The following ARHGAP10 variants were observed in gnomAD, a reference collection of about 807,000 sequenced individuals.
ARHGAP10 encodes Rho GTPase activating protein 10.
Under a neutral mutation model 108.6 loss-of-function variants are expected in ARHGAP10, and 87 were observed. That is an observed-to-expected ratio of 0.80 (90% CI 0.67 to 0.96). The LOEUF (loss-of-function observed/expected upper bound fraction) is 0.96, where lower values mean the gene tolerates loss of function less well. Among genes scored for constraint, ARHGAP10 ranks in the 40% least tolerant of loss-of-function variants. ARHGAP10 has a pLI of 0.00. For synonymous variants in ARHGAP10, 347 were observed against 341.1 expected, an observed-to-expected ratio of 1.02 and a Z score of -0.19; for missense variants, 939 against 954.5, an observed-to-expected ratio of 0.98 and a Z score of 0.21.
chr4:148,056,681 C>T (rs1729377209), intron 20 of ARHGAP10, among the ~76,000 whole-genome samples: 1 of 152,094 alleles, frequency 6.6e-6, no homozygotes, highest in Non-Finnish European at 1.5e-5. Flanking sequence ...CCAGTCTTTC[C>T]AATAATGTTC....
intron 1 of ARHGAP10, among the ~76,000 whole-genome samples, chr4:147,741,769 C>T (rs371196077): frequency 1.7e-3 from 41 of 24,396 alleles, no homozygotes; most frequent in African/African-American, 6.7e-3. Flanking sequence ...GTTCTCTTTA[C>T]ACACACACAC....
chr4:147,732,586 G>A, intron 1 of ARHGAP10, 131 bp downstream of exon 1: 14 of 1,310,468 alleles, frequency 1.1e-5, no homozygotes, highest in Non-Finnish European at 1.4e-5. Flanking sequence ...TTCCGGACCA[G>A]CCCAGCTCTC....
chr4:147,786,377 A>C (rs1010604824), intron 1 of ARHGAP10, among the ~76,000 whole-genome samples: 4 of 152,180 alleles, frequency 2.6e-5, no homozygotes, highest in Non-Finnish European at 5.9e-5. Context: ...GAGACTGGGA[A>C]GTCTAGGAGC....
chr4:147,957,754 T>A, intron 16 of ARHGAP10, among the ~76,000 whole-genome samples: 1 of 152,182 alleles, frequency 6.6e-6, no homozygotes. Context: ...ATCAGTTTCT[T>A]TCCTGTAGTT....
At chr4:147,767,856 G>T (rs902562600) in intron 1 of ARHGAP10, among the ~76,000 whole-genome samples, 2 of 152,182 alleles carry the variant, frequency 1.3e-5, no homozygotes, top group East Asian at 1.9e-4. Context: ...TAACATATTT[G>T]TATTATCAAG....
chr4:147,765,909 T>G, intron 1 of ARHGAP10, among the ~76,000 whole-genome samples: 1 of 152,234 alleles, frequency 6.6e-6, no homozygotes, highest in East Asian at 1.9e-4. Context: ...TGATTACAGT[T>G]ATCCCTCCAT....
At chr4:147,871,003 A>G (rs1258824667) in intron 7 of ARHGAP10, among the ~76,000 whole-genome samples, 3 of 149,918 alleles carry the variant, frequency 2.0e-5, no homozygotes, top group Non-Finnish European at 3.0e-5. Context: ...TCTGTTGCCC[A>G]GGCTGGAGTG....
chr4:147,929,725 T>C (rs993992296), intron 13 of ARHGAP10, among the ~76,000 whole-genome samples: 1 of 152,212 alleles, frequency 6.6e-6, no homozygotes, highest in Non-Finnish European at 1.5e-5. Context: ...TTTTTCTAAT[T>C]ATTTCATGAA....
intron 1 of ARHGAP10, among the ~76,000 whole-genome samples, chr4:147,806,513 T>G (rs1248957105): frequency 6.6e-6 from 1 of 151,968 alleles, no homozygotes; most frequent in Non-Finnish European, 1.5e-5. Context: ...GGGATGGAGT[T>G]GCTGCTTATA....
intron 13 of ARHGAP10, among the ~76,000 whole-genome samples, chr4:147,931,362 A>AT (rs1280201985): frequency 2.6e-5 from 4 of 151,916 alleles, no homozygotes; most frequent in African/African-American, 9.7e-5. Context: ...CAGGTTACAA[A>AT]TTTTTGTTAA....
At chr4:147,779,598 A>C (rs1730447131) in intron 1 of ARHGAP10, among the ~76,000 whole-genome samples, 1 of 152,170 alleles carries the variant, frequency 6.6e-6, no homozygotes, top group African/African-American at 2.4e-5. Flanking sequence ...AGAAGAATGC[A>C]AAGGTGACCC....
At chr4:147,733,103 C>CG (rs1728288129) in intron 1 of ARHGAP10, among the ~76,000 whole-genome samples, 2 of 152,202 alleles carry the variant, frequency 1.3e-5, no homozygotes, top group Admixed American at 1.3e-4. Context: ...GAAGGGTGAG[C>CG]GGACAGCCTG....
At position 147,986,252 on chromosome 4, in the gene ARHGAP10, C is replaced by T. The variant is rs187973014; in HGVS notation, c.1716+19413C>T. On this transcript the variant is annotated intron_variant, in intron 18 of 22. Transcript: ENST00000336498. Reference sequence around the variant, plus strand: ...AGGGATGAAGTGAGCTACTCCATGCCTCTCACTGCCATTTCCAAATGAGAC... The same window carrying T: ...AGGGATGAAGTGAGCTACTCCATGCTTCTCACTGCCATTTCCAAATGAGAC... Among the ~76,000 whole-genome samples the T allele has an allele frequency of 6.6e-5, 10 of 152,244 alleles. No individual in the cohort carries two copies. In the East Asian group the frequency reaches 1.9e-3, roughly 29 times the overall value.
At chr4:147,906,606 G>A (rs1464717161) in intron 10 of ARHGAP10, 32 bp from the exon 11 acceptor site, 1 of 1,608,980 alleles carries the variant, frequency 6.2e-7, no homozygotes, top group South Asian at 1.1e-5. Flanking sequence ...AGTGGCCAAG[G>A]GGTAACCTGA....
intron 1 of ARHGAP10, among the ~76,000 whole-genome samples, chr4:147,772,936 A>G (rs1243199398): frequency 2.0e-5 from 3 of 152,148 alleles, no homozygotes; most frequent in Non-Finnish European, 4.4e-5. Context: ...TAGAATTCCA[A>G]AAGCAATACA....
intron 1 of ARHGAP10, among the ~76,000 whole-genome samples, chr4:147,772,916 C>T (rs539529428): frequency 6.6e-6 from 1 of 151,550 alleles, no homozygotes; most frequent in South Asian, 2.1e-4. Context: ...ATTGGGTGGG[C>T]GGAACTGATT....
intron 18 of ARHGAP10, among the ~76,000 whole-genome samples, chr4:148,015,891 T>C (rs563965492): frequency 7.9e-5 from 12 of 152,226 alleles, no homozygotes; most frequent in Non-Finnish European, 1.5e-4. Flanking sequence ...TCTAGCTGTC[T>C]TCTGGAAGTA....
At chr4:147,924,649 G>A (rs1305082787) in intron 13 of ARHGAP10, among the ~76,000 whole-genome samples, 1 of 152,164 alleles carries the variant, frequency 6.6e-6, no homozygotes, top group African/African-American at 2.4e-5. Context: ...GATGAGGTCT[G>A]TGACATTTTA....
chr4:148,056,975 C>T (rs1045595656), intron 20 of ARHGAP10, among the ~76,000 whole-genome samples: 9 of 152,176 alleles, frequency 5.9e-5, no homozygotes, highest in Non-Finnish European at 8.8e-5. Context: ...GTGACCCAGC[C>T]GATGAGTCAT....
Sources: allele counts gnomAD v4.1 joint callset (sites outside exome capture counted in the v4.1 genomes callset), GRCh38; gene constraint gnomAD v4.1.1; transcripts MANE v1.5; gene names NCBI Gene and HGNC (gene_info 2026-07-23, HGNC 2026-07-21).